Variants in RUNDC3B observed in about 807,000 individuals in gnomAD.
RUNDC3B encodes RUN domain-containing protein 3B.
A neutral mutation model predicts 58.4 loss-of-function variants in RUNDC3B; 33 were observed. The ratio of observed to expected loss-of-function variants is 0.56; its 90% CI spans 0.43 to 0.75. RUNDC3B has a LOEUF of 0.75. Ranked by LOEUF, RUNDC3B falls within the 30% of genes least tolerant of loss-of-function variation. The pLI is 0.00. For missense variants in RUNDC3B, 501 were observed against 535.7 expected, an observed-to-expected ratio of 0.94 and a Z score of 0.64; for synonymous variants, 193 against 195.2, an observed-to-expected ratio of 0.99 and a Z score of 0.10.
intron 6 of RUNDC3B, among the ~76,000 whole-genome samples, chr7:87,743,704 T>A (rs1312254391): frequency 2.0e-5 from 3 of 152,232 alleles, no homozygotes; most frequent in African/African-American, 7.2e-5. Flanking sequence ...GTTTGTAGAT[T>A]CTGGATATTA....
chr7:87,808,482 C>T (rs1836553137), intron 9 of RUNDC3B, among the ~76,000 whole-genome samples: 1 of 152,062 alleles, frequency 6.6e-6, no homozygotes, highest in Non-Finnish European at 1.5e-5. Flanking sequence ...TTTTGTCTAT[C>T]AAAGGCAGAG....
At chr7:87,685,093 G>T (rs1827325974) in intron 2 of RUNDC3B, among the ~76,000 whole-genome samples, 1 of 152,002 alleles carries the variant, frequency 6.6e-6, no homozygotes, top group Non-Finnish European at 1.5e-5. Context: ...TGATAAAGTG[G>T]ACTTCATCAA....
Position 87,650,847 on chromosome 7 carries a change from C to A in RUNDC3B, c.148C>A (p.Arg50=). 3 of 1,609,356 alleles carry A rather than the reference C, an allele frequency of 1.9e-6. No homozygotes were observed. The highest frequency in any genetic ancestry group is 2.6e-6 in the Non-Finnish European group (3 of 1,175,992). Residue 50 remains arginine (R), a synonymous_variant, in exon 2 of 11, where the codon CGG becomes AGG. Transcript: ENST00000394654. Reference sequence around the variant, plus strand: ...GTTTTCTGTGAAGACCCTGATTGATCGGTCTTGCTTTGAGACAATTGATGA... The same window carrying A: ...GTTTTCTGTGAAGACCCTGATTGATAGGTCTTGCTTTGAGACAATTGATGA... ...CRFSVKTLID[R]SCFETIDDSS...
intron 4 of RUNDC3B, among the ~76,000 whole-genome samples, chr7:87,738,529 C>T (rs73706912): frequency 0.011 from 1,743 of 151,932 alleles, 36 homozygotes; most frequent in African/African-American, 0.04. Flanking sequence ...CTATTTTTTC[C>T]ATTTTGTACT....
chr7:87,712,772 TAC>T (rs529168199), intron 4 of RUNDC3B, among the ~76,000 whole-genome samples: 125 of 152,136 alleles, frequency 8.2e-4, no homozygotes, highest in African/African-American at 3.0e-3. Context: ...TACATAAACA[TAC>T]AGTCTTCAAA....
intron 1 of RUNDC3B, among the ~76,000 whole-genome samples, chr7:87,630,957 A>G (rs1463412624): frequency 2.6e-5 from 4 of 152,280 alleles, no homozygotes; most frequent in African/African-American, 9.6e-5. Context: ...AGCTCTCTGT[A>G]TTAGTTGTAT....
chr7:87,795,874 G>C (rs1331635444), intron 8 of RUNDC3B, among the ~76,000 whole-genome samples: 2 of 152,128 alleles, frequency 1.3e-5, no homozygotes, highest in Admixed American at 6.6e-5. Flanking sequence ...TGAGCGTCAA[G>C]AGTGAGACTT....
intron 6 of RUNDC3B, among the ~76,000 whole-genome samples, chr7:87,770,259 A>G (rs1158158207): frequency 6.6e-6 from 1 of 152,052 alleles, no homozygotes; most frequent in Non-Finnish European, 1.5e-5. Flanking sequence ...TTTCCAGCGC[A>G]TCTAGAGTTT....
chr7:87,655,492 T>C (rs1824004401), intron 2 of RUNDC3B, among the ~76,000 whole-genome samples: 1 of 152,162 alleles, frequency 6.6e-6, no homozygotes, highest in African/African-American at 2.4e-5. Flanking sequence ...ACTGCATGAC[T>C]TCCTTATACA....
intron 8 of RUNDC3B, among the ~76,000 whole-genome samples, chr7:87,789,678 A>T (rs1413979455): frequency 3.3e-5 from 5 of 152,358 alleles, no homozygotes; most frequent in African/African-American, 1.2e-4. Context: ...ATGTATCCAG[A>T]AGAGAAAAAT....
chr7:87,733,567 C>T (rs761494324), intron 4 of RUNDC3B, among the ~76,000 whole-genome samples: 31 of 152,274 alleles, frequency 2.0e-4, no homozygotes, highest in South Asian at 1.7e-3. Context: ...GATAAGGCAG[C>T]GGTCCCCAAC....
chr7:87,800,563 C>G (rs1319566238), intron 8 of RUNDC3B, among the ~76,000 whole-genome samples: 1 of 152,088 alleles, frequency 6.6e-6, no homozygotes. Flanking sequence ...TTTGAGGAAC[C>G]ACCATGCAGT....
chr7:87,650,811 T>G lies in RUNDC3B; in HGVS notation c.123-11T>G. On this transcript the variant is annotated splice_polypyrimidine_tract_variant and intron_variant, in intron 1 of 10. Transcript: ENST00000394654. ...CTCTGCCTAAAAGCAACAATAATCT[T>G]TTTTTCATAGGTTTTCTGTGAAGAC... The G allele has an allele frequency of 6.4e-7, 1 of 1,552,850 alleles. No homozygotes were observed. The highest frequency in any genetic ancestry group is 8.9e-7 in the Non-Finnish European group (1 of 1,124,638).
intron 4 of RUNDC3B, among the ~76,000 whole-genome samples, chr7:87,724,624 A>G (rs1831104812): frequency 6.6e-6 from 1 of 152,060 alleles, no homozygotes. Flanking sequence ...TAAAAATTCT[A>G]CCACCTTGAA....
chr7:87,645,376 G>A (rs948667850), intron 1 of RUNDC3B, among the ~76,000 whole-genome samples: 9 of 152,172 alleles, frequency 5.9e-5, no homozygotes, highest in Non-Finnish European at 1.0e-4. Context: ...GAGCCACCAC[G>A]CCTGGCCCAT....
chr7:87,663,151 A>G (rs1824882409), intron 2 of RUNDC3B, among the ~76,000 whole-genome samples: 1 of 152,018 alleles, frequency 6.6e-6, no homozygotes, highest in African/African-American at 2.4e-5. Flanking sequence ...TGAATTCTTT[A>G]GGTTATCCAA....
chr7:87,817,621 GA>G (rs1375897034), intron 10 of RUNDC3B, among the ~76,000 whole-genome samples: 1 of 152,130 alleles, frequency 6.6e-6, no homozygotes. Flanking sequence ...TTGCGTGGTA[GA>G]TTCTTTTCAA....
At chr7:87,822,508 T>C (rs1362721188) in intron 10 of RUNDC3B, among the ~76,000 whole-genome samples, 1 of 152,198 alleles carries the variant, frequency 6.6e-6, no homozygotes, top group Non-Finnish European at 1.5e-5. Flanking sequence ...GAACTAGAAA[T>C]ACCATTTGAC....
chr7:87,727,164 C>A (rs1282771106), intron 4 of RUNDC3B, among the ~76,000 whole-genome samples: 1 of 152,154 alleles, frequency 6.6e-6, no homozygotes, highest in African/African-American at 2.4e-5. Context: ...CTGTCTTGTG[C>A]CAGTTTTCAA....
Sources: gnomAD v4.1 joint callset for allele counts (sites outside exome capture counted in the v4.1 genomes callset) on GRCh38, gnomAD v4.1.1 for gene constraint, MANE v1.5 for transcripts, NCBI Gene and HGNC (gene_info 2026-07-23, HGNC 2026-07-21) for gene names.